Variants in GGTA1 observed in about 807,000 individuals in gnomAD.
GGTA1 encodes the protein glycoprotein alpha-galactosyltransferase 1 (inactive), also known as inactive N-acetyllactosaminide alpha-1,3-galactosyltransferase.
Under a neutral mutation model 2.6 loss-of-function variants are expected in GGTA1, and 5 were observed. The observed-to-expected ratio is 1.92, with a 90% CI of 1.00 to 4.04. GGTA1 has a LOEUF of 4.04. Among genes scored for constraint, GGTA1 ranks in the 30% most tolerant of loss-of-function variants. The pLI, the probability that GGTA1 is intolerant of heterozygous loss-of-function variation, is 0.00. For missense variants in GGTA1, 50 were observed against 16.7 expected (o/e 2.99, Z -3.47); for synonymous variants, 17 against 5.0 (o/e 3.38, Z -3.19).
chr9:121,473,682 T>C (rs1422665860), intron 1 of GGTA1, among the ~76,000 whole-genome samples: 2 of 152,098 alleles, frequency 1.3e-5, no homozygotes, highest in African/African-American at 2.4e-5. Context: ...TCCCAGCACT[T>C]TGGGAGGCCA....
At chr9:121,484,390 C>T (rs978546008) in intron 1 of GGTA1, among the ~76,000 whole-genome samples, 5 of 151,764 alleles carry the variant, frequency 3.3e-5, no homozygotes, top group Non-Finnish European at 5.9e-5. Flanking sequence ...GACGGAGTCT[C>T]GCTCTGTCGC....
In GGTA1 at chr9:121,458,099, G is replaced by A. The variant is rs150569641; in HGVS notation, c.298+2005C>T. ...TGATTTTTTGTTTTGCAGTAGAGACGGGGTTTCACCATGTTGCCCAGGCTG... is the reference window on the plus strand; with the variant it reads ...TGATTTTTTGTTTTGCAGTAGAGACAGGGTTTCACCATGTTGCCCAGGCTG... On this transcript the variant is annotated intron_variant, in intron 5 of 5. Coordinates refer to ENST00000481799, the MANE Select transcript of GGTA1 (RefSeq NM_001382585.1). Among the ~76,000 whole-genome samples, 1,132 of 151,294 alleles carry A rather than the reference G, an allele frequency of 7.5e-3. 15 individuals are homozygous for A. The highest frequency in any genetic ancestry group is 0.026 in the African/African-American group (1,066 of 41,300).
rs537222403 is a variant in GGTA1, at chr9:121,463,652, G to A, written c.81-324C>T. On this transcript the variant is annotated intron_variant, in intron 2 of 5. Coordinates refer to ENST00000481799, the MANE Select transcript of GGTA1 (RefSeq NM_001382585.1). ...GATCCACCCCCGTTGGCCTCCCAAAGTGCTGGGATTACAGGTGTGAGTCAT... is the reference window on the plus strand; with the variant it reads ...GATCCACCCCCGTTGGCCTCCCAAAATGCTGGGATTACAGGTGTGAGTCAT... Among the ~76,000 whole-genome samples, 17 of 152,284 alleles carry A rather than the reference G, an allele frequency of 1.1e-4. No homozygotes were observed. The South Asian group carries it at 2.9e-3, about 26-fold the overall frequency.
intron 1 of GGTA1, chr9:121,494,876 G>A (rs1038154558): frequency 2.2e-4 from 33 of 152,518 alleles, no homozygotes; most frequent in African/African-American, 3.4e-4. Context: ...AGCATACTAC[G>A]TGATGACCCC....
intron 5 of GGTA1, 58 bp from the exon 6 acceptor site, chr9:121,455,899 T>A (rs2118756793): frequency 2.2e-6 from 1 of 450,460 alleles, no homozygotes; most frequent in East Asian, 6.9e-5. Flanking sequence ...TAAAATATTC[T>A]ATTTCCCAGC....
intron 1 of GGTA1, chr9:121,478,999 T>C (rs564184021): frequency 7.9e-5 from 35 of 445,350 alleles, no homozygotes; most frequent in African/African-American, 6.5e-4. Flanking sequence ...CAGGAAAAAC[T>C]CCAGGCTGCA....
At chr9:121,465,178 T>C (rs1339512680) in intron 2 of GGTA1, among the ~76,000 whole-genome samples, 1 of 152,186 alleles carries the variant, frequency 6.6e-6, no homozygotes, top group Non-Finnish European at 1.5e-5. Context: ...CCAGAGAGGC[T>C]GGTATATACA....
intron 1 of GGTA1, among the ~76,000 whole-genome samples, chr9:121,486,452 G>C (rs1183294658): frequency 2.0e-5 from 3 of 152,246 alleles, no homozygotes; most frequent in African/African-American, 7.2e-5. Flanking sequence ...TAAGACAGCA[G>C]TCAGGACTCC....
At chr9:121,456,932 A>G (rs1367328299) in intron 5 of GGTA1, among the ~76,000 whole-genome samples, 4 of 152,176 alleles carry the variant, frequency 2.6e-5, no homozygotes, top group African/African-American at 7.2e-5. Flanking sequence ...TCAGCCTCCC[A>G]AAGTGCTGGA....
chr9:121,459,219 G>A (rs1212265010), intron 5 of GGTA1, among the ~76,000 whole-genome samples: 6 of 152,296 alleles, frequency 3.9e-5, no homozygotes, highest in African/African-American at 1.4e-4. Flanking sequence ...CACTTTGGGA[G>A]GCCAAGGTGG....
chr9:121,467,070 G>A (rs10985255), intron 2 of GGTA1, among the ~76,000 whole-genome samples: 1 of 152,012 alleles, frequency 6.6e-6, no homozygotes, highest in African/African-American at 2.4e-5. Flanking sequence ...TACCAAAATA[G>A]CTCTGTACAA....
At chr9:121,467,980 G>T (rs941744413) in intron 1 of GGTA1, 49 bp from the exon 2 acceptor site, 3 of 435,104 alleles carry the variant, frequency 6.9e-6, no homozygotes, top group African/African-American at 6.1e-5. Flanking sequence ...TTAAATCAAT[G>T]AACTTCAAGA....
At chr9:121,457,048 A>T (rs2064917364) in intron 5 of GGTA1, among the ~76,000 whole-genome samples, 1 of 152,240 alleles carries the variant, frequency 6.6e-6, no homozygotes, top group Admixed American at 6.5e-5. Flanking sequence ...GCTGATGGCA[A>T]CATGAACAGG....
chr9:121,493,347 C>T lies in GGTA1; in HGVS notation c.-10+6303G>A, dbSNP rs575646896. ...GTGCCCACCGAGGGCTCCAAGCCAC[C>T]CTATGTTTGGCTTCAGGACCCGGCT... On this transcript the variant is annotated intron_variant, in intron 1 of 5. Transcript: ENST00000481799. Among the ~76,000 whole-genome samples the T allele has an allele frequency of 2.0e-5, 3 of 152,174 alleles. No individual in the cohort carries two copies. The East Asian group carries it at 5.8e-4, about 29-fold the overall frequency.
intron 1 of GGTA1, among the ~76,000 whole-genome samples, chr9:121,488,124 CATGT>C (rs1828799509): frequency 2.1e-5 from 1 of 47,556 alleles, no homozygotes; most frequent in Non-Finnish European, 5.4e-5. Flanking sequence ...TGTGTGCGTG[CATGT>C]GTGTGTGTGT....
chr9:121,471,087 T>C (rs1452919060), intron 1 of GGTA1, among the ~76,000 whole-genome samples: 1 of 152,118 alleles, frequency 6.6e-6, no homozygotes, highest in African/African-American at 2.4e-5. Flanking sequence ...TGTCAACATT[T>C]TGAAGTAGGA....
chr9:121,496,618 G>C (rs1376422476), intron 1 of GGTA1, among the ~76,000 whole-genome samples: 1 of 137,794 alleles, frequency 7.3e-6, no homozygotes, highest in Non-Finnish European at 1.6e-5. Context: ...TGTAATCCCA[G>C]CTACTCAGGA....
intron 1 of GGTA1, among the ~76,000 whole-genome samples, chr9:121,492,130 G>A (rs1024500249): frequency 3.9e-5 from 6 of 152,196 alleles, no homozygotes; most frequent in East Asian, 1.9e-4. Context: ...CTCTTCTAGC[G>A]CCTCAGTTCC....
At chr9:121,458,328 T>G (rs2064930576) in intron 5 of GGTA1, among the ~76,000 whole-genome samples, 1 of 152,088 alleles carries the variant, frequency 6.6e-6, no homozygotes, top group South Asian at 2.1e-4. Flanking sequence ...ACCAACATTC[T>G]TTAAATAATC....
Sources: gnomAD v4.1 joint callset for allele counts (sites outside exome capture counted in the v4.1 genomes callset) on GRCh38, gnomAD v4.1.1 for gene constraint, MANE v1.5 for transcripts, NCBI Gene and HGNC (gene_info 2026-07-23, HGNC 2026-07-21) for gene names.